Variants in PTPRR observed in about 807,000 individuals in gnomAD.
PTPRR encodes the protein receptor-type tyrosine-protein phosphatase R.
PTPRR carries 38 observed loss-of-function variants against 77.2 expected under a neutral mutation model. That is an observed-to-expected ratio of 0.49 (90% CI 0.38 to 0.65). The LOEUF (loss-of-function observed/expected upper bound fraction) is 0.65. PTPRR is among the 30% of genes least tolerant of loss of function. The pLI is 0.00. For synonymous variants in PTPRR, 299 were observed against 283.1 expected, an observed-to-expected ratio of 1.06 and a Z score of -0.57; for missense variants, 744 against 799.2, an observed-to-expected ratio of 0.93 and a Z score of 0.83.
intron 2 of PTPRR, among the ~76,000 whole-genome samples, chr12:70,871,647 A>G (rs1203624780): frequency 5.9e-5 from 9 of 152,228 alleles, no homozygotes; most frequent in Non-Finnish European, 1.5e-5. Flanking sequence ...GTACTTGAGT[A>G]TGGTAAACAT....
Position 70,913,077 on chromosome 12 carries a change from G to C in PTPRR, c.58+7256C>G, listed in dbSNP as rs369936089. 3.0e-4 allele frequency among the ~76,000 whole-genome samples: 45 copies of C among 152,098 alleles called. No homozygotes were observed. In the East Asian group the frequency reaches 8.5e-3, roughly 29 times the overall value. On this transcript the variant is annotated intron_variant, in intron 1 of 13. Transcript: ENST00000283228. ...AAACTTGCCATAAAATATAACATCC[G>C]TGTTATCTCTAATACTAATGGCAAT... is the stretch of plus-strand genomic sequence containing the variant.
In PTPRR at chr12:70,897,642, G is replaced by A. The variant is rs373562541; in HGVS notation, c.59-4665C>T. On this transcript the variant is annotated intron_variant, in intron 1 of 13. Transcript: ENST00000283228. ...ACTAGAAATACCATTTGACCCAGCC[G>A]TCCCATTACTGGGTATGTACCCAAA... is the stretch of plus-strand genomic sequence containing the variant. Among the ~76,000 whole-genome samples the A allele has an allele frequency of 2.4e-4, 36 of 151,918 alleles. No individual in the cohort carries two copies. In the East Asian group the frequency reaches 4.5e-3, roughly 19 times the overall value.
intron 10 of PTPRR, chr12:70,672,047 C>G (rs1386570051): frequency 3.8e-6 from 5 of 1,318,408 alleles, no homozygotes; most frequent in Non-Finnish European, 4.4e-6. Context: ...TCACTTGGGC[C>G]CAGAGATGGA....
intron 13 of PTPRR, among the ~76,000 whole-genome samples, chr12:70,641,010 T>C (rs1885977050): frequency 6.6e-6 from 1 of 152,212 alleles, no homozygotes; most frequent in Non-Finnish European, 1.5e-5. Context: ...CTGGGCTAAG[T>C]ATTCCTTGGT....
intron 13 of PTPRR, among the ~76,000 whole-genome samples, chr12:70,642,837 A>G (rs1886056451): frequency 6.6e-6 from 1 of 152,170 alleles, no homozygotes; most frequent in African/African-American, 2.4e-5. Context: ...TAAATGTCCT[A>G]TTGCATATAT....
rs563448960 is a variant in PTPRR at position 70,749,085 on chromosome 12, C to T, written c.739-2999G>A. Among the ~76,000 whole-genome samples, 11 of 152,264 alleles carry T rather than the reference C, an allele frequency of 7.2e-5. No individual in the cohort carries two copies. The South Asian group carries it at 1.0e-3, about 14-fold the overall frequency. ...AATGGCTCTGATAAATACAGCCATT[C>T]GCATCTGCTACTACTGGAGTTATTT... On this transcript the variant is annotated intron_variant, in intron 5 of 13. Coordinates refer to ENST00000283228, the MANE Select transcript of PTPRR (RefSeq NM_002849.4).
intron 2 of PTPRR, among the ~76,000 whole-genome samples, chr12:70,868,168 A>C (rs1008102559): frequency 6.6e-5 from 10 of 152,202 alleles, no homozygotes; most frequent in Non-Finnish European, 1.3e-4. Flanking sequence ...AATGGCAATA[A>C]AAGACAAAAT....
At chr12:70,688,918 A>G (rs1263866527) in intron 8 of PTPRR, among the ~76,000 whole-genome samples, 1 of 152,224 alleles carries the variant, frequency 6.6e-6, no homozygotes, top group African/African-American at 2.4e-5. Context: ...ATATTATGCT[A>G]AATGAAATAA....
intron 1 of PTPRR, among the ~76,000 whole-genome samples, chr12:70,902,252 T>C (rs1248827905): frequency 2.0e-5 from 3 of 151,880 alleles, no homozygotes; most frequent in Non-Finnish European, 4.4e-5. Flanking sequence ...TGGAAAACAG[T>C]GTGGAGATCC....
At chr12:70,753,936 T>A (rs994070549) in intron 5 of PTPRR, among the ~76,000 whole-genome samples, 1 of 152,158 alleles carries the variant, frequency 6.6e-6, no homozygotes, top group East Asian at 1.9e-4. Context: ...GTCTAAAGCT[T>A]CATTCTCAGA....
At chr12:70,899,494 A>G (rs368968885) in intron 1 of PTPRR, among the ~76,000 whole-genome samples, 4 of 151,594 alleles carry the variant, frequency 2.6e-5, no homozygotes, top group East Asian at 1.9e-4. Context: ...ATTGGTGGAA[A>G]AAACTATTTG....
At chr12:70,673,777 A>T (rs1887335538) in intron 10 of PTPRR, among the ~76,000 whole-genome samples, 1 of 152,200 alleles carries the variant, frequency 6.6e-6, no homozygotes, top group Admixed American at 6.5e-5. Flanking sequence ...AATGGTGCTA[A>T]ATATTGCATG....
At chr12:70,746,109 C>T in intron 5 of PTPRR, 23 bp from the exon 6 acceptor site, 1 of 1,592,248 alleles carries the variant, frequency 6.3e-7, no homozygotes, top group Middle Eastern at 2.1e-4. Context: ...ATATAAAAAA[C>T]TCCTGTCACA....
At chr12:70,732,031 G>T (rs1477706777) in intron 6 of PTPRR, among the ~76,000 whole-genome samples, 6 of 152,226 alleles carry the variant, frequency 3.9e-5, no homozygotes, top group Non-Finnish European at 5.9e-5. Context: ...ATGAAAAAAA[G>T]AGCTGCCTGG....
Position 70,920,639 on chromosome 12 carries a change from A to C in PTPRR, c.-249T>G. ...GAACAGAAGCGCTCAGAGGCGGCAAATGCCTGGCCTTCTGGACGCCCAGAA... is the reference window on the plus strand; with the variant it reads ...GAACAGAAGCGCTCAGAGGCGGCAACTGCCTGGCCTTCTGGACGCCCAGAA... On this transcript the variant is annotated 5_prime_UTR_variant, in exon 1 of 14. Coordinates refer to ENST00000283228, the MANE Select transcript of PTPRR (RefSeq NM_002849.4). 1 of 413,572 alleles carries C rather than the reference A, an allele frequency of 2.4e-6. No homozygotes were observed. Among genetic ancestry groups the C allele is most frequent in the Admixed American group, 3.5e-5 (1 of 28,876 alleles). The allele number at this position is 413,572 out of a possible 1,614,324, so 25.6% of individuals were successfully genotyped here.
At chr12:70,911,731 A>G (rs1481524238) in intron 1 of PTPRR, among the ~76,000 whole-genome samples, 1 of 145,070 alleles carries the variant, frequency 6.9e-6, no homozygotes, top group East Asian at 2.1e-4. Flanking sequence ...GATGAAAACT[A>G]TCAAGAAAAG....
intron 10 of PTPRR, chr12:70,672,823 A>G (rs1312099492): frequency 6.4e-7 from 1 of 1,563,886 alleles, no homozygotes; most frequent in Admixed American, 1.7e-5. Context: ...CCAGTGTGAA[A>G]TTGAAGAACT....
intron 2 of PTPRR, among the ~76,000 whole-genome samples, chr12:70,781,138 T>G (rs558882983): frequency 6.6e-6 from 1 of 152,304 alleles, no homozygotes; most frequent in South Asian, 2.1e-4. Context: ...TCCTACGTCT[T>G]TTTCAGGCAG....
Position 70,639,118 on chromosome 12 carries a change from A to T in PTPRR, c.*66T>A. 1.4e-6 allele frequency: 2 copies of T among 1,400,394 alleles called. No homozygotes were observed. The highest frequency in any genetic ancestry group is 1.0e-6 in the Non-Finnish European group (1 of 1,002,776). The allele number at this position is 1,400,394 out of a possible 1,614,324, so 86.7% of individuals were successfully genotyped here. On this transcript the variant is annotated 3_prime_UTR_variant, in exon 14 of 14. Transcript: ENST00000283228. ...TTCCATTGCAGGAAGCTCCTTCTAG[A>T]AGCCTTGGGTGGGTAATTTGATTAA...
Sources: allele counts gnomAD v4.1 joint callset (sites outside exome capture counted in the v4.1 genomes callset), GRCh38; gene constraint gnomAD v4.1.1; transcripts MANE v1.5; gene names NCBI Gene and HGNC (gene_info 2026-07-23, HGNC 2026-07-21).